ZC3H11A: variants seen among roughly 807,000 people sequenced by gnomAD.
ZC3H11A encodes zinc finger CCCH domain-containing protein 11A.
A neutral mutation model predicts 90.8 loss-of-function variants in ZC3H11A; 22 were observed. That is an observed-to-expected ratio of 0.24 (90% CI 0.17 to 0.35). ZC3H11A has a LOEUF of 0.35. ZC3H11A is among the 10% of genes least tolerant of loss of function. The pLI is 1.00. For synonymous variants in ZC3H11A, 294 were observed against 339.8 expected, an observed-to-expected ratio of 0.87 and a Z score of 1.48; for missense variants, 701 against 964.9, an observed-to-expected ratio of 0.73 and a Z score of 3.62.
In ZC3H11A at chr1:203,847,179, A is replaced by T; in HGVS notation, c.1043-5A>T. ...TAATGACATGTTTTTCTCCTGTGAA[A>T]ACAGATAAAGTTAATAAAGTTGGTG... is the stretch of plus-strand genomic sequence containing the variant. On this transcript the variant is annotated splice_region_variant and splice_polypyrimidine_tract_variant and intron_variant, in intron 12 of 17. Coordinates refer to ENST00000367210, the MANE Select transcript of ZC3H11A (RefSeq NM_001376342.1). 5.6e-6 allele frequency: 9 copies of T among 1,611,912 alleles called. No individual in the cohort carries two copies. The highest frequency in any genetic ancestry group is 7.6e-6 in the Non-Finnish European group (9 of 1,179,414).
chr1:203,847,389 G>T lies in ZC3H11A; in HGVS notation c.1248G>T (p.Arg416=). The T allele has an allele frequency of 5.6e-6, 9 of 1,613,854 alleles. No homozygotes were observed. Among genetic ancestry groups the T allele is most frequent in the Non-Finnish European group, 7.6e-6 (9 of 1,179,846 alleles). ...FSEVLAEKKH[R]QQEAERQKSK... ...AGGTCCTGGCTGAAAAAAAACATCG[G>T]CAGCAGGAAGCAGAGAGACAAAAAA... The change falls in exon 13 of 18, where the codon CGG becomes CGT. Residue 416 remains arginine (R), a synonymous_variant. Transcript: ENST00000367210.
chr1:203,827,606 C>T (rs377172105), intron 4 of ZC3H11A, among the ~76,000 whole-genome samples: 5 of 151,432 alleles, frequency 3.3e-5, no homozygotes, highest in East Asian at 3.9e-4. Flanking sequence ...GGCGTGAACC[C>T]GGGAGGCGGA....
At chr1:203,824,233 A>G (rs1487355390) in intron 4 of ZC3H11A, among the ~76,000 whole-genome samples, 1 of 150,288 alleles carries the variant, frequency 6.7e-6, no homozygotes, top group Non-Finnish European at 1.5e-5. Flanking sequence ...ACACCACTGT[A>G]CTCCAGCCTG....
chr1:203,805,534 A>AAACGT, intron 2 of ZC3H11A: 3 of 543,092 alleles, frequency 5.5e-6, no homozygotes, highest in Non-Finnish European at 1.1e-5. Flanking sequence ...GAAAGGACAG[A>AAACGT]AACGTATCTG....
intron 9 of ZC3H11A, among the ~76,000 whole-genome samples, 173 bp from the exon 10 acceptor site, chr1:203,833,618 G>GTTTTTTTTTTTTTTTTTT (rs553171669): frequency 3.2e-5 from 4 of 124,816 alleles, no homozygotes; most frequent in Non-Finnish European, 5.0e-5. Context: ...ATAGGTTTGG[G>GTTTTTTTTTTTTTTTTTT]TTTTTTTTTT....
chr1:203,829,816 C>T lies in ZC3H11A; in HGVS notation c.539C>T (p.Pro180Leu), dbSNP rs1313346675. Residue 180 changes from proline (P) to leucine (L), a missense_variant, in exon 7 of 18, where the codon CCT (proline) becomes CTT (leucine). By Grantham distance (98) the Pro-to-Leu change is moderately conservative. Around this residue, in one of 4 missense-constraint regions of ZC3H11A, gnomAD observed 530 missense variants for 696.2 expected, o/e 0.76. Coordinates refer to ENST00000367210, the MANE Select transcript of ZC3H11A (RefSeq NM_001376342.1). Reference sequence around the variant, plus strand: ...GAGGAAGGTGATGAAACCAAAACACCTACCCTGCAACCAACTCCTGAAGTT... The same window carrying T: ...GAGGAAGGTGATGAAACCAAAACACTTACCCTGCAACCAACTCCTGAAGTT... ...FSEEGDETKT[P>L]TLQPTPEVHN... 1.2e-6 allele frequency: 2 copies of T among 1,614,050 alleles called. No homozygotes were observed. Among genetic ancestry groups the T allele is most frequent in the Non-Finnish European group, 1.7e-6 (2 of 1,179,970 alleles).
In ZC3H11A at chr1:203,817,270, T is replaced by G. The variant is rs1017854673; in HGVS notation, c.54+146T>G. 5.1e-6 allele frequency: 3 copies of G among 593,434 alleles called. No individual in the cohort carries two copies. The Admixed American group carries it at 1.1e-4, about 22-fold the overall frequency. 36.8% of individuals were successfully genotyped at this position (593,434 alleles called of 1,614,324 possible). A position where few individuals can be genotyped will look rare whatever the true frequency, so the allele number is the denominator to read the frequency against. On this transcript the variant is annotated intron_variant, in intron 3 of 17. Transcript: ENST00000367210. ...TGGCTGTCAGTTTTTTAAAGGATAA[T>G]GTATTTAGGGTAATTCAGTGTTTTT...
intron 1 of ZC3H11A, chr1:203,800,645 C>A: frequency 1.9e-6 from 1 of 516,028 alleles, no homozygotes; most frequent in Non-Finnish European, 3.2e-6. Context: ...GATTTCATAG[C>A]TATAACTGTG....
chr1:203,829,607 A>G lies in ZC3H11A; in HGVS notation c.455A>G (p.His152Arg). The change falls in exon 6 of 18, where the codon CAT (histidine) becomes CGT (arginine). Residue 152 changes from histidine (H) to arginine (R), a missense_variant. Transcript: ENST00000367210. ...TCCGAAAATGTTCCTAGCCCCACGC[A>G]TCCACCAGTTGTAATTAATGCTGCA... Reference protein sequence around the residue: ...ESSENVPSPTHPPVVINAADD... With the variant: ...ESSENVPSPTRPPVVINAADD... The G allele has an allele frequency of 6.2e-7, 1 of 1,614,226 alleles. No individual in the cohort carries two copies. Among genetic ancestry groups the G allele is most frequent in the Non-Finnish European group, 8.5e-7 (1 of 1,180,050 alleles).
At chr1:203,801,055 T>C (rs1448486546) in intron 1 of ZC3H11A, 1 of 152,192 alleles carries the variant, frequency 6.6e-6, no homozygotes, top group Non-Finnish European at 1.5e-5. Context: ...AAGGGAAATA[T>C]TAGAAAACAA....
Position 203,847,259 on chromosome 1 carries a change from G to A in ZC3H11A, c.1118G>A (p.Arg373His), listed in dbSNP as rs41264263. 8.8e-4 allele frequency: 1,421 copies of A among 1,613,858 alleles called. 1 individual carries two copies. Among genetic ancestry groups the A allele is most frequent in the Admixed American group, 1.8e-3 (109 of 59,998 alleles). The stretch of plus-strand genomic sequence containing the variant: ...CTTCTTGAAAGAGCCAGTCAGAAAC[G>A]TGGAGAATTGCAAACTAAACTCAAG... The part of the protein sequence containing the change: ...EILLERASQK[R>H]GELQTKLKTE... Residue 373 changes from arginine to histidine, a missense_variant, in exon 13 of 18, where the codon CGT (arginine) becomes CAT (histidine). Coordinates refer to ENST00000367210, the MANE Select transcript of ZC3H11A (RefSeq NM_001376342.1).
chr1:203,834,518 G>A (rs891734839), intron 10 of ZC3H11A, among the ~76,000 whole-genome samples: 3 of 151,986 alleles, frequency 2.0e-5, no homozygotes, highest in Middle Eastern at 3.4e-3. Flanking sequence ...GTGATCTGTC[G>A]GCCTTGGCCT....
chr1:203,795,828 C>T (rs1571826976), intron 1 of ZC3H11A, 34 bp downstream of exon 1: 1 of 151,612 alleles, frequency 6.6e-6, no homozygotes, highest in Admixed American at 6.6e-5. Context: ...TCCCGGGTGG[C>T]TTGGGGCCGG....
chr1:203,841,843 C>T (rs1294462279), intron 12 of ZC3H11A, among the ~76,000 whole-genome samples: 4 of 149,444 alleles, frequency 2.7e-5, no homozygotes, highest in African/African-American at 7.4e-5. Flanking sequence ...ACTTCGCAGA[C>T]GGGGCGGCTG....
At chr1:203,841,362 C>A (rs769336141) in intron 12 of ZC3H11A, among the ~76,000 whole-genome samples, 1 of 152,056 alleles carries the variant, frequency 6.6e-6, no homozygotes, top group Non-Finnish European at 1.5e-5. Flanking sequence ...TGACTCTTAA[C>A]GAGCATGCTG....
chr1:203,818,482 T>G, intron 3 of ZC3H11A, 88 bp from the exon 4 acceptor site: 1 of 1,564,814 alleles, frequency 6.4e-7, no homozygotes, highest in Non-Finnish European at 8.7e-7. Flanking sequence ...CATTTGTGCT[T>G]GTCTAAATTC....
At chr1:203,831,534 G>A in intron 8 of ZC3H11A, 127 bp from the exon 9 acceptor site, 1 of 706,724 alleles carries the variant, frequency 1.4e-6, no homozygotes, top group South Asian at 1.8e-5. Context: ...ATACAGAAAG[G>A]CTGATTGGCT....
At chr1:203,817,227 T>C in intron 3 of ZC3H11A, 103 bp downstream of exon 3, 1 of 901,232 alleles carries the variant, frequency 1.1e-6, no homozygotes, top group Non-Finnish European at 1.6e-6. Flanking sequence ...ATATATATTT[T>C]TTGCCCAACT....
chr1:203,832,706 T>C lies in ZC3H11A; in HGVS notation c.811+935T>C, dbSNP rs144537303. Among the ~76,000 whole-genome samples, 276 of 152,276 alleles carry C rather than the reference T, an allele frequency of 1.8e-3. 6 individuals are homozygous for C. In the East Asian group the frequency reaches 0.042, roughly 23 times the overall value. On this transcript the variant is annotated intron_variant, in intron 9 of 17. Coordinates refer to ENST00000367210, the MANE Select transcript of ZC3H11A (RefSeq NM_001376342.1). ...TAATAATTTTAAGCCTAATAAGGAA[T>C]TATAGATATAGATATATTTAAATGT...
Sources: allele counts gnomAD v4.1 joint callset (sites outside exome capture counted in the v4.1 genomes callset), GRCh38; gene constraint gnomAD v4.1.1; regional missense constraint gnomAD v4.1.1; transcripts MANE v1.5; gene names NCBI Gene and HGNC (gene_info 2026-07-23, HGNC 2026-07-21).